The following PARP12 variants were observed in gnomAD, a reference collection of about 807,000 sequenced individuals.
PARP12 encodes the protein protein mono-ADP-ribosyltransferase PARP12.
In PARP12, 59 loss-of-function variants were observed where a neutral mutation model predicts 72.4. That is an observed-to-expected ratio of 0.81 (90% CI 0.66 to 1.01). PARP12 has a LOEUF of 1.01. PARP12 is among the 50% of genes least tolerant of loss of function. PARP12 has a pLI of 0.00. For synonymous variants in PARP12, 403 were observed against 371.4 expected (o/e 1.09, Z -0.98); for missense variants, 851 against 914.0 (o/e 0.93, Z 0.89).
chr7:140,038,315 G>C (rs577002601), intron 6 of PARP12: 1 of 983,898 alleles, frequency 1.0e-6, no homozygotes, highest in Non-Finnish European at 1.2e-6. Context: ...CTGGTCCCTA[G>C]GAGCATTCAT....
chr7:140,040,571 G>A lies in PARP12; in HGVS notation c.1182+1073C>T, dbSNP rs188170949. Among the ~76,000 whole-genome samples the A allele has an allele frequency of 9.9e-4, 150 of 152,268 alleles. 2 individuals are homozygous for A. The highest frequency in any genetic ancestry group is 3.3e-3 in the African/African-American group (137 of 41,550). On this transcript the variant is annotated intron_variant, in intron 6 of 11. Coordinates refer to ENST00000263549, the MANE Select transcript of PARP12 (RefSeq NM_022750.4). ...ATGCATCATTCCACACACGGGATAC[G>A]ATGGGGCAAAAGAAAAGACAAAAGT... is the stretch of plus-strand genomic sequence containing the variant.
Position 140,034,248 on chromosome 7 carries a change from T to C in PARP12, c.1408A>G (p.Thr470Ala). ...PKYVSPQDVT[T>A]MQTCNTKFPG... ...ACTGCAACCTACCAGGTTTGCATGG[T>C]CGTCACATCCTGGGGAGACACGTAT... is the stretch of plus-strand genomic sequence containing the variant. The change falls in exon 8 of 12, where the codon ACC (threonine) becomes GCC (alanine). Residue 470 changes from threonine (T) to alanine (A), a missense_variant. Thr to Ala is a moderately conservative substitution (Grantham distance 58). Transcript: ENST00000263549. 1.9e-6 allele frequency: 3 copies of C among 1,612,926 alleles called. No individual in the cohort carries two copies. The highest frequency in any genetic ancestry group is 1.7e-6 in the Non-Finnish European group (2 of 1,179,282).
chr7:140,043,157 G>C (rs1190448450), intron 5 of PARP12, among the ~76,000 whole-genome samples: 1 of 152,196 alleles, frequency 6.6e-6, no homozygotes, highest in African/African-American at 2.4e-5. Context: ...CCGCACCACT[G>C]CGCTCCAACT....
At position 140,024,653 on chromosome 7, in the gene PARP12, T is replaced by C; in HGVS notation, c.2013A>G (p.Pro671=). The C allele has an allele frequency of 1.9e-6, 3 of 1,614,146 alleles. No individual in the cohort carries two copies. The highest frequency in any genetic ancestry group is 2.5e-6 in the Non-Finnish European group (3 of 1,180,016). Reference sequence around the variant, plus strand: ...AGGTGGTGTACTGGATGACATACTCTGGGTAGACCTGGTGTTTCTCAAAGA... The same window carrying C: ...AGGTGGTGTACTGGATGACATACTCCGGGTAGACCTGGTGTTTCTCAAAGA... ...FVIFEKHQVY[P]EYVIQYTTSS... Residue 671 remains proline (P), a synonymous_variant, in exon 12 of 12, where the codon CCA becomes CCG. Transcript: ENST00000263549.
chr7:140,027,511 GC>G, intron 9 of PARP12, 105 bp from the exon 10 acceptor site: 1 of 1,405,842 alleles, frequency 7.1e-7, no homozygotes, highest in Non-Finnish European at 9.8e-7. Context: ...AAGCACAAAA[GC>G]CCAGAGAGCA....
At chr7:140,056,746 G>C in intron 3 of PARP12, 110 bp downstream of exon 3, 1 of 1,175,244 alleles carries the variant, frequency 8.5e-7, no homozygotes, top group Non-Finnish European at 1.2e-6. Flanking sequence ...AGCAGCACCA[G>C]ACTTGCCCAA....
chr7:140,062,758 C>A lies in PARP12; in HGVS notation c.90G>T (p.Leu30Phe). 1 of 1,387,954 alleles carries A rather than the reference C, an allele frequency of 7.2e-7. No individual in the cohort carries two copies. The highest frequency in any genetic ancestry group is 9.4e-7 in the Non-Finnish European group (1 of 1,065,658). The allele number at this position is 1,387,954 out of a possible 1,614,324, so 86.0% of individuals were successfully genotyped here. Residue 30 changes from leucine (L) to phenylalanine (F), a missense_variant, in exon 1 of 12, where the codon TTG (leucine) becomes TTT (phenylalanine). Leu to Phe is a conservative substitution (Grantham distance 22). This residue lies in a region of PARP12 where 492 missense variants were observed against 489.3 expected (regional missense o/e 1.01). Coordinates refer to ENST00000263549, the MANE Select transcript of PARP12 (RefSeq NM_022750.4). Reference sequence around the variant, plus strand: ...GCGCGTCGGCGCTCAAGCCCATCCGCAAGCGGCGCCGCAGCTCGGGCAACT... The same window carrying A: ...GCGCGTCGGCGCTCAAGCCCATCCGAAAGCGGCGCCGCAGCTCGGGCAACT... ...ALELPELRRR[L>F]RMGLSADALE...
At chr7:140,028,785 G>A (rs1815832338) in intron 8 of PARP12, 97 bp from the exon 9 acceptor site, 3 of 981,774 alleles carry the variant, frequency 3.1e-6, no homozygotes, top group Non-Finnish European at 4.6e-6. Context: ...CCAGTCTTGA[G>A]TCTCAGCACA....
chr7:140,057,215 A>G (rs1817223913), intron 2 of PARP12, 62 bp from the exon 3 acceptor site: 1 of 1,493,938 alleles, frequency 6.7e-7, no homozygotes, highest in Middle Eastern at 1.9e-4. Context: ...CCACCTCCCC[A>G]GTGGCCAGTC....
At chr7:140,034,360 T>C (rs751584933) in intron 7 of PARP12, 29 bp from the exon 8 acceptor site, 13 of 1,471,380 alleles carry the variant, frequency 8.8e-6, no homozygotes, top group African/African-American at 1.4e-5. Context: ...AGTGAAAAAA[T>C]ATACATATAC....
intron 7 of PARP12, among the ~76,000 whole-genome samples, chr7:140,037,167 A>T (rs1188943211): frequency 6.6e-6 from 1 of 152,200 alleles, no homozygotes; most frequent in Non-Finnish European, 1.5e-5. Flanking sequence ...TATGAAAAAT[A>T]CAAAAAATTA....
In PARP12 at chr7:140,056,919, T is replaced by G. The variant is rs765987412; in HGVS notation, c.697A>C (p.Ile233Leu). 6.2e-7 allele frequency: 1 copy of G among 1,613,704 alleles called. No individual in the cohort carries two copies. Among genetic ancestry groups the G allele is most frequent in the Non-Finnish European group, 8.5e-7 (1 of 1,180,028 alleles). ...CTGGGGGCAGAGCTCTTATTCTTGA[T>G]GTCATGTGCATTTCTATAAATGGTA... ...LPTIYRNAHD[I>L]KNKSSAPSRV... The change falls in exon 3 of 12, where the codon ATC (isoleucine) becomes CTC (leucine). Residue 233 changes from isoleucine to leucine, a missense_variant. By Grantham distance (5) the Ile-to-Leu change is conservative. Around this residue, in one of 3 missense-constraint regions of PARP12, gnomAD observed 492 missense variants for 489.3 expected, o/e 1.01. Transcript: ENST00000263549.
intron 5 of PARP12, among the ~76,000 whole-genome samples, chr7:140,045,774 G>A (rs779197386): frequency 2.0e-5 from 3 of 152,210 alleles, no homozygotes; most frequent in Non-Finnish European, 4.4e-5. Flanking sequence ...CAATTATAAT[G>A]AGTGGCAGAA....
intron 7 of PARP12, among the ~76,000 whole-genome samples, chr7:140,037,423 C>G (rs1364996961): frequency 6.6e-6 from 1 of 152,246 alleles, no homozygotes; most frequent in Non-Finnish European, 1.5e-5. Flanking sequence ...GGTTAGTCCT[C>G]GGATACAGCA....
chr7:140,061,468 A>G (rs1219144335), intron 1 of PARP12, among the ~76,000 whole-genome samples: 1 of 150,458 alleles, frequency 6.6e-6, no homozygotes, highest in Non-Finnish European at 1.5e-5. Context: ...CACACACACA[A>G]AACAGGGAGC....
intron 7 of PARP12, among the ~76,000 whole-genome samples, 175 bp downstream of exon 7, chr7:140,037,540 A>G (rs879342941): frequency 3.3e-5 from 5 of 152,120 alleles, no homozygotes; most frequent in Non-Finnish European, 4.4e-5. Flanking sequence ...TTCTTCCTCC[A>G]CTGCACAGGG....
chr7:140,024,909 G>A, intron 11 of PARP12, 24 bp from the exon 12 acceptor site: 1 of 1,605,546 alleles, frequency 6.2e-7, no homozygotes, highest in Admixed American at 1.7e-5. Context: ...CGAGGGCTCA[G>A]CTGGTGGAGG....
chr7:140,046,810 G>GTGTGTGTGTC (rs1816748685), intron 5 of PARP12, 74 bp downstream of exon 5: 1 of 1,374,836 alleles, frequency 7.3e-7, no homozygotes, highest in Non-Finnish European at 1.0e-6. Context: ...GTGTGTGTGT[G>GTGTGTGTGTC]TGTGTGTGTG....
intron 1 of PARP12, among the ~76,000 whole-genome samples, chr7:140,059,556 C>G (rs1313240880): frequency 1.3e-5 from 2 of 152,200 alleles, no homozygotes; most frequent in African/African-American, 2.4e-5. Flanking sequence ...GTCAGGCCAA[C>G]AGCATTTGTT....
Sources: allele counts gnomAD v4.1 joint callset (sites outside exome capture counted in the v4.1 genomes callset), GRCh38; gene constraint gnomAD v4.1.1; regional missense constraint gnomAD v4.1.1; transcripts MANE v1.5; gene names NCBI Gene and HGNC (gene_info 2026-07-23, HGNC 2026-07-21).